Variants in ZDHHC17 observed in about 807,000 individuals in gnomAD.
The protein encoded by ZDHHC17 is palmitoyltransferase ZDHHC17.
A neutral mutation model predicts 90.3 loss-of-function variants in ZDHHC17; 40 were observed. The observed-to-expected ratio is 0.44, with a 90% CI of 0.34 to 0.58. The LOEUF (loss-of-function observed/expected upper bound fraction) is 0.58. ZDHHC17 is among the 20% of genes least tolerant of loss of function. ZDHHC17 has a pLI of 0.01. For missense variants in ZDHHC17, 614 were observed against 780.8 expected, an observed-to-expected ratio of 0.79 and a Z score of 2.55; for synonymous variants, 235 against 252.4, an observed-to-expected ratio of 0.93 and a Z score of 0.65.
At chr12:76,846,236 C>G (rs976445958) in intron 13 of ZDHHC17, 3 of 248,904 alleles carry the variant, frequency 1.2e-5, no homozygotes, top group African/African-American at 6.8e-5. Context: ...GGAAACATTA[C>G]AAAGATTGTT....
chr12:76,837,679 G>A (rs984890417), intron 10 of ZDHHC17, among the ~76,000 whole-genome samples: 60 of 152,066 alleles, frequency 3.9e-4, no homozygotes, highest in African/African-American at 1.4e-3. Flanking sequence ...AAAAATGAAG[G>A]TTTTCTTTTA....
Position 76,825,448 on chromosome 12 carries a change from G to A in ZDHHC17, c.898-1460G>A, listed in dbSNP as rs181640631. Among the ~76,000 whole-genome samples the A allele has an allele frequency of 3.5e-3, 528 of 152,128 alleles. 2 individuals carry two copies. Among genetic ancestry groups the A allele is most frequent in the Non-Finnish European group, 3.6e-3 (247 of 67,990 alleles). ...AGCACATTACCATTATATTTTTATA[G>A]TACCATTTTATGTACCCATACACTC... On this transcript the variant is annotated intron_variant, in intron 8 of 16. Coordinates refer to ENST00000426126, the MANE Select transcript of ZDHHC17 (RefSeq NM_015336.4).
chr12:76,792,756 C>T (rs1952774393), intron 1 of ZDHHC17, among the ~76,000 whole-genome samples: 1 of 151,986 alleles, frequency 6.6e-6, no homozygotes, highest in African/African-American at 2.4e-5. Context: ...TTATGTTCCC[C>T]TTAGAACTTG....
At position 76,835,846 on chromosome 12, in the gene ZDHHC17, G is replaced by T. The variant is rs574909504; in HGVS notation, c.1142-6136G>T. Among the ~76,000 whole-genome samples the T allele has an allele frequency of 8.6e-4, 131 of 152,018 alleles. 3 individuals carry two copies. Among genetic ancestry groups the T allele is most frequent in the Middle Eastern group, 3.4e-3 (1 of 294 alleles). On this transcript the variant is annotated intron_variant, in intron 10 of 16. Coordinates refer to ENST00000426126, the MANE Select transcript of ZDHHC17 (RefSeq NM_015336.4). ...ATCTTTAAAAGATTGACTTTAAAGG[G>T]CTAGTATTTTACCAGTGAGTGTGAT...
intron 2 of ZDHHC17, among the ~76,000 whole-genome samples, chr12:76,802,102 G>GC (rs1376963311): frequency 6.6e-6 from 1 of 152,006 alleles, no homozygotes; most frequent in Admixed American, 6.6e-5. Context: ...ATTTCACCTG[G>GC]CAGGTCTCCT....
At chr12:76,799,415 C>T (rs1952861300) in intron 2 of ZDHHC17, among the ~76,000 whole-genome samples, 1 of 152,138 alleles carries the variant, frequency 6.6e-6, no homozygotes, top group Non-Finnish European at 1.5e-5. Flanking sequence ...TTCTGGAAAC[C>T]TTAACACTAC....
intron 1 of ZDHHC17, among the ~76,000 whole-genome samples, chr12:76,793,007 C>T (rs1322865461): frequency 6.6e-6 from 1 of 152,178 alleles, no homozygotes; most frequent in African/African-American, 2.4e-5. Context: ...AGGCAAATGC[C>T]TAGCTAGCTA....
intron 1 of ZDHHC17, chr12:76,764,707 T>C (rs1037300201): frequency 1.6e-5 from 8 of 487,780 alleles, no homozygotes; most frequent in Non-Finnish European, 2.4e-5. Context: ...GAAGCGCGTC[T>C]GGTTTTGATT....
chr12:76,813,000 T>A (rs1241599800), intron 5 of ZDHHC17, among the ~76,000 whole-genome samples: 1 of 152,148 alleles, frequency 6.6e-6, no homozygotes, highest in African/African-American at 2.4e-5. Flanking sequence ...TACCAAGTTT[T>A]AAATCCCGAC....
At chr12:76,804,066 A>G (rs1038157957) in intron 2 of ZDHHC17, among the ~76,000 whole-genome samples, 2 of 152,188 alleles carry the variant, frequency 1.3e-5, no homozygotes, top group Admixed American at 6.5e-5. Flanking sequence ...AAGCTTTACA[A>G]GGTTTGACAA....
At chr12:76,779,418 C>T (rs1434875653) in intron 1 of ZDHHC17, among the ~76,000 whole-genome samples, 1 of 152,098 alleles carries the variant, frequency 6.6e-6, no homozygotes, top group East Asian at 1.9e-4. Context: ...AGCAAAGTCA[C>T]GTCTTACATG....
At chr12:76,821,369 G>T (rs1024800973) in intron 7 of ZDHHC17, among the ~76,000 whole-genome samples, 1 of 152,100 alleles carries the variant, frequency 6.6e-6, no homozygotes, top group African/African-American at 2.4e-5. Flanking sequence ...TGTTGCTGTT[G>T]GTGGCAGTGG....
intron 10 of ZDHHC17, among the ~76,000 whole-genome samples, chr12:76,839,688 G>T (rs1457370887): frequency 2.6e-5 from 4 of 152,124 alleles, no homozygotes; most frequent in Non-Finnish European, 5.9e-5. Context: ...TTCGGGGGCT[G>T]TTTAAACATA....
intron 3 of ZDHHC17, among the ~76,000 whole-genome samples, chr12:76,808,793 T>G (rs906724413): frequency 2.6e-5 from 4 of 152,008 alleles, no homozygotes; most frequent in African/African-American, 9.7e-5. Flanking sequence ...GTGATTTTTT[T>G]GGCATTTTTA....
chr12:76,764,560 G>T, intron 1 of ZDHHC17: 2 of 576,386 alleles, frequency 3.5e-6, no homozygotes, highest in East Asian at 2.9e-5. Context: ...GGCTGTGCCT[G>T]GAGGACAGAG....
intron 10 of ZDHHC17, among the ~76,000 whole-genome samples, chr12:76,837,799 TCTCTA>T (rs1255479587): frequency 1.3e-5 from 2 of 152,120 alleles, no homozygotes; most frequent in African/African-American, 2.4e-5. Context: ...CATACTTTTG[TCTCTA>T]CTCTTTATTA....
At chr12:76,777,002 T>C (rs1295681844) in intron 1 of ZDHHC17, among the ~76,000 whole-genome samples, 1 of 152,206 alleles carries the variant, frequency 6.6e-6, no homozygotes, top group Non-Finnish European at 1.5e-5. Context: ...AGAGATCTCA[T>C]GTATCCTTTA....
At position 76,846,668 on chromosome 12, in the gene ZDHHC17, G is replaced by C. The variant is rs761031457; in HGVS notation, c.1496G>C (p.Gly499Ala). 1.2e-6 allele frequency: 2 copies of C among 1,608,810 alleles called. No individual in the cohort carries two copies. The highest frequency in any genetic ancestry group is 1.7e-6 in the Non-Finnish European group (2 of 1,176,782). ...LLFMICWMIY[G>A]CISYWGLHCE... ...TTTATGATCTGCTGGATGATTTATG[G>C]TTGTATATCTTGTGAGTACAATTAG... Residue 499 changes from glycine to alanine, a missense_variant, in exon 14 of 17, where the codon GGT becomes GCT. By Grantham distance (60) the Gly-to-Ala change is moderately conservative. This residue lies in a region of ZDHHC17 where 111 missense variants were observed against 179.8 expected (regional missense o/e 0.62). Coordinates refer to ENST00000426126, the MANE Select transcript of ZDHHC17 (RefSeq NM_015336.4).
At chr12:76,811,804 T>G (rs1953025982) in intron 5 of ZDHHC17, among the ~76,000 whole-genome samples, 2 of 152,172 alleles carry the variant, frequency 1.3e-5, no homozygotes, top group Admixed American at 6.5e-5. Flanking sequence ...ATGTACAGAT[T>G]AAGCATCTGT....
Sources: allele counts gnomAD v4.1 joint callset (sites outside exome capture counted in the v4.1 genomes callset), GRCh38; gene constraint gnomAD v4.1.1; regional missense constraint gnomAD v4.1.1; transcripts MANE v1.5; gene names NCBI Gene and HGNC (gene_info 2026-07-23, HGNC 2026-07-21).